Variants in ADRA1B observed in about 807,000 individuals in gnomAD.
ADRA1B encodes the protein adrenoceptor alpha 1B, also known as alpha-1B adrenergic receptor.
A neutral mutation model predicts 17.9 loss-of-function variants in ADRA1B; 17 were observed. That is an observed-to-expected ratio of 0.95 (90% CI 0.65 to 1.42). ADRA1B has a LOEUF of 1.42. ADRA1B is among the 40% of genes most tolerant of loss of function. The pLI is 0.00. For missense variants in ADRA1B, 681 were observed against 722.1 expected, an observed-to-expected ratio of 0.94 and a Z score of 0.65; for synonymous variants, 366 against 327.6, an observed-to-expected ratio of 1.12 and a Z score of -1.27.
intron 1 of ADRA1B, among the ~76,000 whole-genome samples, chr5:159,926,039 T>G (rs1248489471): frequency 6.6e-6 from 1 of 152,208 alleles, no homozygotes; most frequent in Non-Finnish European, 1.5e-5. Flanking sequence ...ACCAACTCTC[T>G]GCCGAACATG....
At position 159,921,294 on chromosome 5, in the gene ADRA1B, A is replaced by T. The variant is rs17057272; in HGVS notation, c.949+3440A>T. Among the ~76,000 whole-genome samples, 1,029 of 152,276 alleles carry T rather than the reference A, an allele frequency of 6.8e-3. 13 individuals are homozygous for T. Among genetic ancestry groups the T allele is most frequent in the African/African-American group, 0.024 (979 of 41,552 alleles). On this transcript the variant is annotated intron_variant, in intron 1 of 1. Coordinates refer to ENST00000306675, the MANE Select transcript of ADRA1B (RefSeq NM_000679.4). ...CAGGAGCAGGAATGGACTCCACCAAACAAGGACCTCTTTATTTGGCCCCTG... is the reference window on the plus strand; with the variant it reads ...CAGGAGCAGGAATGGACTCCACCAATCAAGGACCTCTTTATTTGGCCCCTG...
chr5:159,985,793 A>ACAAAG, the ADRA1B span, among the ~76,000 whole-genome samples: 1 of 152,208 alleles, frequency 6.6e-6, no homozygotes, highest in Non-Finnish European at 1.5e-5. Context: ...GGACCTGGTG[A>ACAAAG]CAAAGCCTGA....
chr5:159,980,032 G>T, the ADRA1B span, among the ~76,000 whole-genome samples: 829 of 152,072 alleles, frequency 5.5e-3, 5 homozygotes, highest in African/African-American at 0.011. Context: ...TGTGTGGAGA[G>T]CCTAAGATTT....
rs1328778585 is a variant in ADRA1B at position 159,917,434 on chromosome 5, T to G, written c.529T>G (p.Ser177Ala). The change falls in exon 1 of 2, where the codon TCC becomes GCC. Residue 177 changes from serine (S) to alanine (A), a missense_variant. Transcript: ENST00000306675. ...TGTCTGGGTCTTGTCCACCGTCATC[T>G]CCATCGGGCCTCTCCTTGGGTGGAA... ...LSVWVLSTVI[S>A]IGPLLGWKEP... 6.2e-7 allele frequency: 1 copy of G among 1,614,146 alleles called. No individual in the cohort carries two copies. The highest frequency in any genetic ancestry group is 1.7e-5 in the Admixed American group (1 of 60,016).
chr5:159,972,158 G>A lies in ADRA1B; in HGVS notation c.1229G>A (p.Ser410Asn). ...TCGCGCAAGGACTCGCTGGACGACA[G>A]CGGCAGCTGCCTGAGCGGCAGCCAG... ...SQSRKDSLDDSGSCLSGSQRT... is the reference protein window; with the variant it reads ...SQSRKDSLDDNGSCLSGSQRT... Residue 410 changes from serine (S) to asparagine (N), a missense_variant, in exon 2 of 2, where the codon AGC becomes AAC. Around this residue, in one of 3 missense-constraint regions of ADRA1B, gnomAD observed 251 missense variants for 224.9 expected, o/e 1.12. Transcript: ENST00000306675. The A allele has an allele frequency of 7.3e-7, 1 of 1,362,478 alleles. No individual in the cohort carries two copies. Among genetic ancestry groups the A allele is most frequent in the Non-Finnish European group, 9.5e-7 (1 of 1,048,848 alleles). 84.4% of individuals were successfully genotyped at this position (1,362,478 alleles called of 1,614,324 possible). A position where few individuals can be genotyped will look rare whatever the true frequency, so the allele number is the denominator to read the frequency against.
At chr5:159,942,910 G>A (rs1026583046) in intron 1 of ADRA1B, among the ~76,000 whole-genome samples, 7 of 152,120 alleles carry the variant, frequency 4.6e-5, no homozygotes, top group African/African-American at 7.2e-5. Flanking sequence ...TATTACATGT[G>A]TAATTAATAA....
At chr5:159,912,439 G>A (rs577747960), upstream of ADRA1B, among the ~76,000 whole-genome samples, 3 of 152,356 alleles carry the variant, frequency 2.0e-5, 1 homozygote, top group South Asian at 6.2e-4. Context: ...TGGAAGGCAA[G>A]GAAGACTAAC....
intron 1 of ADRA1B, among the ~76,000 whole-genome samples, chr5:159,967,560 CA>C (rs1048540368): frequency 4.6e-5 from 7 of 152,140 alleles, no homozygotes; most frequent in African/African-American, 1.7e-4. Flanking sequence ...CCCCATTTTA[CA>C]GATGGGAAAA....
chr5:159,915,920 A>G (rs1754288645), upstream of ADRA1B, among the ~76,000 whole-genome samples: 1 of 152,152 alleles, frequency 6.6e-6, no homozygotes, highest in Non-Finnish European at 1.5e-5. Flanking sequence ...CAGGGCAGAG[A>G]GTGGAGACTC....
In ADRA1B at chr5:159,940,758, G is replaced by A. The variant is rs954249557; in HGVS notation, c.949+22904G>A. 1.1e-3 allele frequency among the ~76,000 whole-genome samples: 167 copies of A among 152,142 alleles called. 1 individual carries two copies. Among genetic ancestry groups the A allele is most frequent in the African/African-American group, 3.9e-3 (161 of 41,518 alleles). On this transcript the variant is annotated intron_variant, in intron 1 of 1. Transcript: ENST00000306675. ...CACACTCCCCCTCAAGATTTTAGCA[G>A]CAATTATCTGTGGTAGTTTTTATTT...
intron 1 of ADRA1B, among the ~76,000 whole-genome samples, chr5:159,878,188 G>A (rs1450307758): frequency 2.0e-5 from 3 of 152,162 alleles, no homozygotes; most frequent in Non-Finnish European, 4.4e-5. Flanking sequence ...GAATCAGTCG[G>A]GTCCAGAGAT....
intron 1 of ADRA1B, among the ~76,000 whole-genome samples, chr5:159,891,462 T>A (rs1753982499): frequency 6.6e-6 from 1 of 151,998 alleles, no homozygotes; most frequent in Non-Finnish European, 1.5e-5. Flanking sequence ...GCATGAGCAA[T>A]CTGGTTGATG....
upstream of ADRA1B, among the ~76,000 whole-genome samples, chr5:159,913,359 A>T (rs1345904006): frequency 6.6e-6 from 1 of 152,174 alleles, no homozygotes; most frequent in Non-Finnish European, 1.5e-5. Flanking sequence ...TCTCTAGCAA[A>T]GGAAGGGGAG....
intron 1 of ADRA1B, among the ~76,000 whole-genome samples, chr5:159,899,468 G>A (rs2113117631): frequency 6.6e-6 from 1 of 152,284 alleles, no homozygotes. Context: ...CATGTGTACT[G>A]GAGAAAGAAG....
intron 1 of ADRA1B, among the ~76,000 whole-genome samples, chr5:159,887,284 T>C (rs963917769): frequency 3.3e-5 from 5 of 152,204 alleles, no homozygotes; most frequent in Non-Finnish European, 5.9e-5. Flanking sequence ...CCAGCTCAAC[T>C]AAATAGAGCC....
At chr5:159,981,421 A>T in the ADRA1B span, among the ~76,000 whole-genome samples, 1 of 152,164 alleles carries the variant, frequency 6.6e-6, no homozygotes, top group Non-Finnish European at 1.5e-5. Context: ...AAGAAACAAA[A>T]GTTTCATGAA....
intron 1 of ADRA1B, chr5:159,955,121 A>G (rs1755526429): frequency 1.0e-6 from 1 of 984,774 alleles, no homozygotes; most frequent in Non-Finnish European, 1.2e-6. Flanking sequence ...AGCCTTCAGG[A>G]TACCGAAAGA....
intron 1 of ADRA1B, among the ~76,000 whole-genome samples, chr5:159,933,326 G>C (rs1011798297): frequency 7.9e-5 from 12 of 152,158 alleles, no homozygotes; most frequent in Non-Finnish European, 1.5e-4. Context: ...CTGGGATAAA[G>C]TCCACTTTGA....
rs796602433 is a variant in ADRA1B, at chr5:159,893,317, C to T, written c.-255-22802C>T. 1.9e-3 allele frequency among the ~76,000 whole-genome samples: 33 copies of T among 17,528 alleles called. No homozygotes were observed. In the African/African-American group the frequency reaches 0.033, roughly 18 times the overall value. 11.5% of individuals were successfully genotyped at this position (17,528 alleles called of 152,430 possible). On this transcript the variant is annotated intron_variant, in intron 1 of 2. Transcript: ENST00000641205. ...TGCCAAGTTGGATGAGTTACTTCACCTCTCTGTAAAGCGGGAATAAAACAA... is the reference window on the plus strand; with the variant it reads ...TGCCAAGTTGGATGAGTTACTTCACTTCTCTGTAAAGCGGGAATAAAACAA...
Sources: gnomAD v4.1 joint callset for allele counts (sites outside exome capture counted in the v4.1 genomes callset) on GRCh38, gnomAD v4.1.1 for gene constraint, gnomAD v4.1.1 regional missense constraint, MANE v1.5 for transcripts, NCBI Gene and HGNC (gene_info 2026-07-23, HGNC 2026-07-21) for gene names.